Variants in KIRREL3 observed in about 807,000 individuals in gnomAD.
KIRREL3 encodes kin of IRRE-like protein 3.
In KIRREL3, 36 loss-of-function variants were observed where a neutral mutation model predicts 89.7. The ratio of observed to expected loss-of-function variants is 0.40; its 90% CI spans 0.31 to 0.53. The LOEUF is 0.53. Among genes scored for constraint, KIRREL3 ranks in the 20% least tolerant of loss-of-function variants. The pLI, the probability that KIRREL3 is intolerant of heterozygous loss-of-function variation, is 0.49. For missense variants in KIRREL3, 864 were observed against 1,056.6 expected, an observed-to-expected ratio of 0.82 and a Z score of 2.53; for synonymous variants, 445 against 441.4, an observed-to-expected ratio of 1.01 and a Z score of -0.10.
rs141825363 is a variant in KIRREL3, at chr11:126,994,196, C to CGTGT, written c.55+6255_55+6258dup. ...CTGATTTAACATTAAGTGGTGTGTG[C>CGTGT]GTGTGTGTGTGTGTATGTGTTCAGT... On this transcript the variant is annotated intron_variant, in intron 1 of 16. Transcript: ENST00000525144. This position sits in a 1 kb window ranked among gnomAD's most constrained non-coding sequence, Gnocchi z 5.2. 1.5e-4 allele frequency among the ~76,000 whole-genome samples: 23 copies of CGTGT among 151,352 alleles called. No homozygotes were observed. The highest frequency in any genetic ancestry group is 3.2e-4 in the Non-Finnish European group (22 of 67,758).
At position 126,620,690 on chromosome 11, in the gene KIRREL3, A is replaced by T. The variant is rs758072274; in HGVS notation, c.56-57778T>A. Among the ~76,000 whole-genome samples the T allele has an allele frequency of 1.2e-4, 18 of 152,194 alleles. No individual in the cohort carries two copies. Among genetic ancestry groups the T allele is most frequent in the Non-Finnish European group, 2.5e-4 (17 of 68,032 alleles). On this transcript the variant is annotated intron_variant, in intron 1 of 16. Transcript: ENST00000525144. The surrounding 1 kb of genome is among the most constrained non-coding windows in gnomAD (Gnocchi z 4.8). ...TTAGTTCCTTCCTGGTCCCACATTC[A>T]TTCCCTTGCTGCCTTCTTCAATGCT...
intron 3 of KIRREL3, among the ~76,000 whole-genome samples, chr11:126,524,689 C>T (rs904625060): frequency 2.0e-5 from 3 of 151,998 alleles, no homozygotes; most frequent in African/African-American, 4.8e-5. Context: ...CTGGGAGATT[C>T]GGGGGGGCCA....
rs1957753586 is a variant in KIRREL3 at position 126,498,689 on chromosome 11, T to C, written c.433+22626A>G. Among the ~76,000 whole-genome samples the C allele has an allele frequency of 6.6e-6, 1 of 152,064 alleles. No homozygotes were observed. Among genetic ancestry groups the C allele is most frequent in the Non-Finnish European group, 1.5e-5 (1 of 68,008 alleles). On this transcript the variant is annotated intron_variant, in intron 4 of 16. Coordinates refer to ENST00000525144, the MANE Select transcript of KIRREL3 (RefSeq NM_032531.4). The surrounding 1 kb of genome is among the most constrained non-coding windows in gnomAD (Gnocchi z 4.3). ...AGAGGAGACTCAGTGATGAGAGGAA[T>C]GGTGTGTCCATGGGGACAGAGCTGG... is the stretch of plus-strand genomic sequence containing the variant.
chr11:126,963,184 A>G (rs560046490), intron 1 of KIRREL3, among the ~76,000 whole-genome samples: 1 of 152,276 alleles, frequency 6.6e-6, no homozygotes, highest in South Asian at 2.1e-4. Context: ...GGCTGAGAGC[A>G]CTGATAAAAT....
intron 7 of KIRREL3, among the ~76,000 whole-genome samples, chr11:126,451,456 GCATGTGTGGGCA>G (rs1565464789): frequency 1.8e-4 from 27 of 148,832 alleles, no homozygotes; most frequent in African/African-American, 6.0e-4. Context: ...AAGTGCATGC[GCATGTGTGGGCA>G]TGTGCATGTG....
intron 1 of KIRREL3, chr11:126,935,133 A>C (rs922203886): frequency 6.6e-6 from 1 of 152,058 alleles, no homozygotes; most frequent in African/African-American, 2.4e-5. Context: ...AATGCTTGTC[A>C]TGAGAGAATT....
Position 126,542,101 on chromosome 11 carries a change from C to G in KIRREL3, c.134-15414G>C, listed in dbSNP as rs565958624. ...GCTCTTCAGGTGTCCTGTGAAGGAC[C>G]ACGTGGCTATATCCCACTGACGGTG... On this transcript the variant is annotated intron_variant, in intron 2 of 16. Transcript: ENST00000525144. Among the ~76,000 whole-genome samples, 326 of 152,318 alleles carry G rather than the reference C, an allele frequency of 2.1e-3. 2 individuals carry two copies. The highest frequency in any genetic ancestry group is 7.6e-3 in the African/African-American group (315 of 41,572).
chr11:126,541,368 T>C lies in KIRREL3; in HGVS notation c.134-14681A>G, dbSNP rs1203300158. ...CCTTCCTCCCAACCCTAATGCTTGA[T>C]GTTCTAACTTATCCAAAATCCTATT... is the stretch of plus-strand genomic sequence containing the variant. On this transcript the variant is annotated intron_variant, in intron 2 of 16. Transcript: ENST00000525144. This position sits in a 1 kb window ranked among gnomAD's most constrained non-coding sequence, Gnocchi z 4.8. Among the ~76,000 whole-genome samples, 1 of 152,134 alleles carries C rather than the reference T, an allele frequency of 6.6e-6. No homozygotes were observed. Among genetic ancestry groups the C allele is most frequent in the Non-Finnish European group, 1.5e-5 (1 of 68,026 alleles).
chr11:126,586,103 C>T (rs2134687116), intron 1 of KIRREL3, among the ~76,000 whole-genome samples: 1 of 152,260 alleles, frequency 6.6e-6, no homozygotes, highest in South Asian at 2.1e-4. Context: ...GGATCCCTCC[C>T]CGGACGTGGC....
In KIRREL3 at chr11:126,501,161, C is replaced by T. The variant is rs565986978; in HGVS notation, c.433+20154G>A. On this transcript the variant is annotated intron_variant, in intron 4 of 16. Transcript: ENST00000525144. This position sits in a 1 kb window ranked among gnomAD's most constrained non-coding sequence, Gnocchi z 5.8. The stretch of plus-strand genomic sequence containing the variant: ...GGACACTACTGGTGGACAGCTGGTC[C>T]GTCCCACACTTTTCTCTGCACGTCT... 6.6e-5 allele frequency among the ~76,000 whole-genome samples: 10 copies of T among 152,302 alleles called. No homozygotes were observed. Among genetic ancestry groups the T allele is most frequent in the South Asian group, 2.1e-4 (1 of 4,828 alleles).
chr11:126,848,491 G>C (rs954138939), intron 1 of KIRREL3, among the ~76,000 whole-genome samples: 1 of 152,110 alleles, frequency 6.6e-6, no homozygotes, highest in African/African-American at 2.4e-5. Flanking sequence ...GTAATCTCAG[G>C]CTGCTACTCA....
At chr11:126,998,606 T>G (rs550976413) in intron 1 of KIRREL3, among the ~76,000 whole-genome samples, 9 of 152,276 alleles carry the variant, frequency 5.9e-5, no homozygotes, top group Admixed American at 5.2e-4. Flanking sequence ...GGTAAATATT[T>G]AAAGATTCAC....
chr11:126,861,020 C>T (rs1288963801), intron 1 of KIRREL3, among the ~76,000 whole-genome samples: 1 of 152,106 alleles, frequency 6.6e-6, no homozygotes, highest in African/African-American at 2.4e-5. Flanking sequence ...TCTGGGTTCT[C>T]TAGATTTATT....
In KIRREL3 at chr11:126,583,527, G is replaced by A. The variant is rs77143838; in HGVS notation, c.56-20615C>T. The stretch of plus-strand genomic sequence containing the variant: ...ATATCAAGATAGAAAATGAATATAC[G>A]AAGGAGTCTAGCATGAGGAGGACGG... On this transcript the variant is annotated intron_variant, in intron 1 of 16. Coordinates refer to ENST00000525144, the MANE Select transcript of KIRREL3 (RefSeq NM_032531.4). 6.5e-4 allele frequency among the ~76,000 whole-genome samples: 99 copies of A among 152,298 alleles called. No homozygotes were observed. The East Asian group carries it at 0.016, about 24-fold the overall frequency.
chr11:126,572,487 C>A (rs1442972614), intron 1 of KIRREL3, among the ~76,000 whole-genome samples: 1 of 152,202 alleles, frequency 6.6e-6, no homozygotes, highest in African/African-American at 2.4e-5. Flanking sequence ...AGAGCCCAGG[C>A]TTGCTGTGCC....
chr11:126,804,451 T>C (rs1294630650), intron 1 of KIRREL3, among the ~76,000 whole-genome samples: 3 of 152,194 alleles, frequency 2.0e-5, no homozygotes, highest in Non-Finnish European at 2.9e-5. Flanking sequence ...TTCTCTCCTA[T>C]GGTAAATCTC....
In KIRREL3 at chr11:126,703,967, G is replaced by T. The variant is rs1044774247; in HGVS notation, c.56-141055C>A. 2.0e-5 allele frequency among the ~76,000 whole-genome samples: 3 copies of T among 152,086 alleles called. No homozygotes were observed. Among genetic ancestry groups the T allele is most frequent in the African/African-American group, 7.3e-5 (3 of 41,378 alleles). On this transcript the variant is annotated intron_variant, in intron 1 of 16. Transcript: ENST00000525144. The surrounding 1 kb of genome is among the most constrained non-coding windows in gnomAD (Gnocchi z 4.6). ...GGAAGAAGAAATGGAATTTCTGTCA[G>T]ATTGCTTGAACTCACTCTCTGGAAT...
At chr11:126,927,816 G>A (rs1356796403) in intron 1 of KIRREL3, among the ~76,000 whole-genome samples, 2 of 152,314 alleles carry the variant, frequency 1.3e-5, no homozygotes, top group East Asian at 1.9e-4. Flanking sequence ...GTGTGGCCTT[G>A]GAATGTGGAG....
rs1248949497 is a variant in KIRREL3 at position 126,772,354 on chromosome 11, A to G, written c.56-209442T>C. 6.6e-6 allele frequency among the ~76,000 whole-genome samples: 1 copy of G among 152,200 alleles called. No homozygotes were observed. The highest frequency in any genetic ancestry group is 1.5e-5 in the Non-Finnish European group (1 of 68,034). ...GACCGGTTCAGGGACAGAGAACAGC[A>G]AGTGACAGGCATGCAGGTGGAATGC... On this transcript the variant is annotated intron_variant, in intron 1 of 16. Coordinates refer to ENST00000525144, the MANE Select transcript of KIRREL3 (RefSeq NM_032531.4). The surrounding 1 kb of genome is among the most constrained non-coding windows in gnomAD (Gnocchi z 4.6).
Sources: allele counts gnomAD v4.1 joint callset (sites outside exome capture counted in the v4.1 genomes callset), GRCh38; gene constraint gnomAD v4.1.1; non-coding constraint Gnocchi (gnomAD v3.1); transcripts MANE v1.5; gene names NCBI Gene and HGNC (gene_info 2026-07-23, HGNC 2026-07-21).